Variants in CDH12 observed in about 807,000 individuals in gnomAD.
The protein encoded by CDH12 is cadherin-12.
CDH12 carries 41 observed loss-of-function variants against 74.1 expected under a neutral mutation model. That is an observed-to-expected ratio of 0.55 (90% CI 0.43 to 0.72). The LOEUF (loss-of-function observed/expected upper bound fraction) is 0.72, where lower values mean the gene tolerates loss of function less well. Ranked by LOEUF, CDH12 falls within the 30% of genes least tolerant of loss-of-function variation. CDH12 has a pLI of 0.00. For missense variants in CDH12, 945 were observed against 977.2 expected, an observed-to-expected ratio of 0.97 and a Z score of 0.44; for synonymous variants, 399 against 355.0, an observed-to-expected ratio of 1.12 and a Z score of -1.39.
At chr5:22,568,936 G>A (rs989597665) in intron 1 of CDH12, among the ~76,000 whole-genome samples, 1 of 152,152 alleles carries the variant, frequency 6.6e-6, no homozygotes, top group Non-Finnish European at 1.5e-5. Context: ...CTAGTGGAGG[G>A]TCTTGTCTTG....
chr5:22,598,034 C>T (rs553800827), intron 1 of CDH12, among the ~76,000 whole-genome samples: 152 of 152,240 alleles, frequency 1.0e-3, no homozygotes, highest in African/African-American at 3.5e-3. Flanking sequence ...CTCATTTTAG[C>T]ACTAAACTGA....
intron 3 of CDH12, among the ~76,000 whole-genome samples, chr5:22,217,301 C>T (rs1371264480): frequency 6.6e-6 from 1 of 151,698 alleles, no homozygotes; most frequent in African/African-American, 2.4e-5. Context: ...TAGCCATCCT[C>T]TCTATTGTCC....
intron 2 of CDH12, among the ~76,000 whole-genome samples, chr5:22,442,025 AC>A (rs2126543132): frequency 6.6e-6 from 1 of 152,208 alleles, no homozygotes; most frequent in Admixed American, 6.5e-5. Context: ...ATTCAATGTA[AC>A]CCAGAATGAT....
At chr5:22,784,128 A>C (rs953840862) in intron 1 of CDH12, among the ~76,000 whole-genome samples, 1 of 152,136 alleles carries the variant, frequency 6.6e-6, no homozygotes, top group African/African-American at 2.4e-5. Flanking sequence ...TTGCCACTAT[A>C]TATAAAGGTT....
At chr5:22,025,266 A>C (rs1738273392) in intron 5 of CDH12, among the ~76,000 whole-genome samples, 1 of 152,128 alleles carries the variant, frequency 6.6e-6, no homozygotes, top group African/African-American at 2.4e-5. Context: ...TTTATTGATA[A>C]AGAAATTAGA....
chr5:22,707,214 G>T (rs1215523161), intron 1 of CDH12, among the ~76,000 whole-genome samples: 3 of 152,120 alleles, frequency 2.0e-5, no homozygotes, highest in African/African-American at 7.2e-5. Flanking sequence ...CTGCAGGATT[G>T]TTTTCATGTT....
At chr5:22,025,233 G>A (rs893740329) in intron 5 of CDH12, among the ~76,000 whole-genome samples, 1 of 152,026 alleles carries the variant, frequency 6.6e-6, no homozygotes, top group African/African-American at 2.4e-5. Flanking sequence ...ACACAAGGGA[G>A]CTTACTTTTT....
At chr5:21,966,670 C>T (rs1303963567) in intron 6 of CDH12, among the ~76,000 whole-genome samples, 3 of 152,106 alleles carry the variant, frequency 2.0e-5, no homozygotes, top group African/African-American at 7.2e-5. Context: ...AAACACTTGG[C>T]TCCCATAGAA....
At position 21,766,779 on chromosome 5, in the gene CDH12, T is replaced by C. The variant is rs375071673; in HGVS notation, c.1394-1680A>G. Among the ~76,000 whole-genome samples the C allele has an allele frequency of 2.0e-4, 30 of 152,084 alleles. No homozygotes were observed. The East Asian group carries it at 5.0e-3, about 25-fold the overall frequency. On this transcript the variant is annotated intron_variant, in intron 11 of 14. Coordinates refer to ENST00000382254, the MANE Select transcript of CDH12 (RefSeq NM_004061.5). ...CAGCAATGCCTAATGCCTAATACTT[T>C]AGAATGCTTGCAATGTACAAATATT...
chr5:21,863,542 A>T (rs889350625), intron 6 of CDH12, among the ~76,000 whole-genome samples: 2 of 152,186 alleles, frequency 1.3e-5, no homozygotes, highest in Admixed American at 6.5e-5. Flanking sequence ...TATTGATTAG[A>T]TATGTATAGT....
chr5:22,545,153 T>G (rs943839603), intron 1 of CDH12, among the ~76,000 whole-genome samples: 2 of 152,204 alleles, frequency 1.3e-5, no homozygotes, highest in Non-Finnish European at 2.9e-5. Context: ...CCTGAATTTA[T>G]TATGTTATTG....
At chr5:22,271,284 T>C (rs1441923908) in intron 3 of CDH12, among the ~76,000 whole-genome samples, 1 of 152,200 alleles carries the variant, frequency 6.6e-6, no homozygotes, top group Non-Finnish European at 1.5e-5. Context: ...TGCTCATCCG[T>C]TGGAAGCAAT....
chr5:22,529,167 A>G (rs10075529), intron 1 of CDH12, among the ~76,000 whole-genome samples: 16,428 of 77,996 alleles, frequency 0.21, 1,602 homozygotes, highest in East Asian at 0.43. Flanking sequence ...ACACATGTGT[A>G]TATATATATA....
At chr5:22,621,635 A>T (rs1031057877) in intron 1 of CDH12, among the ~76,000 whole-genome samples, 1 of 152,156 alleles carries the variant, frequency 6.6e-6, no homozygotes, top group Non-Finnish European at 1.5e-5. Context: ...GGCAATATTA[A>T]TCAAGAAAAT....
At chr5:22,588,802 A>C (rs534988996) in intron 1 of CDH12, among the ~76,000 whole-genome samples, 1 of 151,966 alleles carries the variant, frequency 6.6e-6, no homozygotes, top group Admixed American at 6.6e-5. Flanking sequence ...TCCCACCCAA[A>C]CCCAGTCCTT....
intron 4 of CDH12, among the ~76,000 whole-genome samples, chr5:22,109,253 A>T (rs1231864532): frequency 6.6e-6 from 1 of 152,164 alleles, no homozygotes; most frequent in East Asian, 1.9e-4. Context: ...GAATTCTTTC[A>T]CTGGAGCGAA....
intron 4 of CDH12, among the ~76,000 whole-genome samples, chr5:22,178,914 A>G (rs1749483098): frequency 1.3e-5 from 2 of 152,272 alleles, no homozygotes; most frequent in Non-Finnish European, 2.9e-5. Flanking sequence ...AATCTCTTTA[A>G]TATTTTAACT....
intron 3 of CDH12, among the ~76,000 whole-genome samples, chr5:22,304,543 G>T (rs945430370): frequency 2.6e-5 from 4 of 152,152 alleles, no homozygotes; most frequent in Admixed American, 2.0e-4. Context: ...AGCAAAGTCC[G>T]ATGATGGCAT....
At chr5:22,254,706 T>C (rs1434023804) in intron 3 of CDH12, among the ~76,000 whole-genome samples, 1 of 151,834 alleles carries the variant, frequency 6.6e-6, no homozygotes. Context: ...TAATTATACA[T>C]ATTTATAAAG....
Sources: allele counts gnomAD v4.1 joint callset (sites outside exome capture counted in the v4.1 genomes callset), GRCh38; gene constraint gnomAD v4.1.1; transcripts MANE v1.5; gene names NCBI Gene and HGNC (gene_info 2026-07-23, HGNC 2026-07-21).